CD8A: variants seen among roughly 807,000 people sequenced by gnomAD.
The protein encoded by CD8A is CD8 subunit alpha.
A neutral mutation model predicts 24.2 loss-of-function variants in CD8A; 25 were observed. That is an observed-to-expected ratio of 1.03 (90% CI 0.75 to 1.44). CD8A has a LOEUF of 1.44. Among genes scored for constraint, CD8A ranks in the 40% most tolerant of loss-of-function variants. The pLI is 0.00. For synonymous variants in CD8A, 165 were observed against 149.9 expected (o/e 1.10, Z -0.74); for missense variants, 360 against 319.7 (o/e 1.13, Z -0.96).
chr2:86,803,502 G>A (rs1426557540), intron 2 of CD8A, among the ~76,000 whole-genome samples: 1 of 152,052 alleles, frequency 6.6e-6, no homozygotes, highest in Non-Finnish European at 1.5e-5. Flanking sequence ...AATGAAAGAA[G>A]CCAGACACAG....
chr2:86,799,801 C>G (rs1179769479), intron 3 of CD8A, among the ~76,000 whole-genome samples: 4 of 152,008 alleles, frequency 2.6e-5, no homozygotes, highest in Admixed American at 6.6e-5. Flanking sequence ...ATGCAGGAGG[C>G]AGAGTGCCTC....
chr2:86,785,713 C>T lies in CD8A; in HGVS notation c.*207G>A. The T allele has an allele frequency of 1.4e-6, 1 of 719,816 alleles. No homozygotes were observed. Among genetic ancestry groups the T allele is most frequent in the South Asian group, 1.4e-5 (1 of 69,090 alleles). The allele number at this position is 719,816 out of a possible 1,614,324, so 44.6% of individuals were successfully genotyped here. ...GATGTGCGCACAACAGTATTGTGAC[C>T]CTTGTGGTGTACTGTAGATTTTACC... On this transcript the variant is annotated 3_prime_UTR_variant, in exon 6 of 6. Coordinates refer to ENST00000283635, the MANE Select transcript of CD8A (RefSeq NM_001768.7).
At chr2:86,795,974 C>T (rs2104450837) in intron 3 of CD8A, among the ~76,000 whole-genome samples, 1 of 152,084 alleles carries the variant, frequency 6.6e-6, no homozygotes, top group East Asian at 1.9e-4. Flanking sequence ...AATTATTGAA[C>T]AATTTGAAAA....
chr2:86,787,124 C>T (rs1278435416), intron 5 of CD8A, among the ~76,000 whole-genome samples: 1 of 136,240 alleles, frequency 7.3e-6, no homozygotes, highest in Non-Finnish European at 1.6e-5. Context: ...GCTCTGTTAC[C>T]CAGGCTGGAG....
chr2:86,789,015 C>T (rs1465466827), intron 4 of CD8A, among the ~76,000 whole-genome samples: 1 of 152,238 alleles, frequency 6.6e-6, no homozygotes, highest in Non-Finnish European at 1.5e-5. Flanking sequence ...GCGGCCCCCT[C>T]CCGGCGGGCG....
upstream of CD8A, among the ~76,000 whole-genome samples, chr2:86,794,848 C>T (rs550685025): frequency 1.3e-4 from 20 of 152,206 alleles, no homozygotes; most frequent in Non-Finnish European, 2.4e-4. Flanking sequence ...TCCTAGGTTC[C>T]GCATCTCTCA....
At chr2:86,789,043 CAT>C (rs1258641749) in intron 4 of CD8A, among the ~76,000 whole-genome samples, 2 of 152,352 alleles carry the variant, frequency 1.3e-5, no homozygotes, top group African/African-American at 2.4e-5. Flanking sequence ...TGTGTCCAGA[CAT>C]GTGCGCGCGC....
intron 3 of CD8A, among the ~76,000 whole-genome samples, chr2:86,796,371 G>C (rs967682954): frequency 6.6e-6 from 1 of 152,174 alleles, no homozygotes; most frequent in Non-Finnish European, 1.5e-5. Context: ...TTAGTGCCAA[G>C]TATAAAAACA....
At position 86,798,395 on chromosome 2, in the gene CD8A, G is replaced by A. The variant is rs187370289; in HGVS notation, c.-271+3116C>T. Among the ~76,000 whole-genome samples, 650 of 151,838 alleles carry A rather than the reference G, an allele frequency of 4.3e-3. 7 individuals are homozygous for A. The highest frequency in any genetic ancestry group is 0.014 in the African/African-American group (599 of 41,390). On this transcript the variant is annotated intron_variant, in intron 3 of 8. Coordinates refer to the CD8A transcript ENST00000409511. The stretch of plus-strand genomic sequence containing the variant: ...TCTCCATGTTGGTCAGGCTGGTCTC[G>A]AACTCCCAACCTCAGGTGATCCACC...
chr2:86,807,112 G>A (rs1673931069), intron 2 of CD8A, among the ~76,000 whole-genome samples: 1 of 151,750 alleles, frequency 6.6e-6, no homozygotes, highest in Admixed American at 6.6e-5. Flanking sequence ...AATTGGGAGA[G>A]CACAATTGGT....
At chr2:86,791,043 C>A, upstream of CD8A, 2 of 707,592 alleles carry the variant, frequency 2.8e-6, no homozygotes, top group Non-Finnish European at 5.1e-6. Flanking sequence ...GGCTGGGGCC[C>A]GTGAATAGGG....
chr2:86,789,387 C>A lies in CD8A; in HGVS notation c.561G>T (p.Ala187=). The A allele has an allele frequency of 6.2e-7, 1 of 1,614,008 alleles. No homozygotes were observed. Among genetic ancestry groups the A allele is most frequent in the Middle Eastern group, 1.6e-4 (1 of 6,062 alleles). Residue 187 remains alanine (A), a synonymous_variant, in exon 4 of 6, where the codon GCG becomes GCT. Transcript: ENST00000283635. The part of the protein sequence containing the change: ...LDFACDIYIW[A]PLAGTCGVLL... ...GGACCCCACAAGTCCCGGCCAAGGG[C>A]GCCCAGATGTAGATATCACAGGCGA...
At chr2:86,797,038 T>C (rs1478250554) in intron 3 of CD8A, among the ~76,000 whole-genome samples, 1 of 152,218 alleles carries the variant, frequency 6.6e-6, no homozygotes, top group Non-Finnish European at 1.5e-5. Context: ...TTGGCAATAC[T>C]TGTTGTCTCA....
upstream of CD8A, chr2:86,790,973 G>A (rs964073700): frequency 7.1e-5 from 58 of 820,704 alleles, no homozygotes; most frequent in Non-Finnish European, 1.1e-4. Context: ...GTCACCCGAA[G>A]CCCCCGCCGA....
intron 2 of CD8A, among the ~76,000 whole-genome samples, 162 bp downstream of exon 2, chr2:86,790,166 G>A (rs1673214991): frequency 6.6e-6 from 1 of 152,228 alleles, no homozygotes; most frequent in African/African-American, 2.4e-5. Flanking sequence ...TCCCTACTCA[G>A]CCTCGCGTTA....
chr2:86,789,645 C>T lies in CD8A; in HGVS notation c.509G>A (p.Gly170Asp), dbSNP rs1451100239. The part of the protein sequence containing the change: ...RPEACRPAAG[G>D]AVHTRGLDFA... ...CGGGCCCCCGCACGCCTCACCTGCGCCCCCCGCCGCTGGCCGGCACGCCTC... is the reference window on the plus strand; with the variant it reads ...CGGGCCCCCGCACGCCTCACCTGCGTCCCCCGCCGCTGGCCGGCACGCCTC... The change falls in exon 3 of 6, where the codon GGC becomes GAC. Residue 170 changes from glycine to aspartate, a missense_variant. Transcript: ENST00000283635. 4 of 1,480,480 alleles carry T rather than the reference C, an allele frequency of 2.7e-6. No homozygotes were observed. Among genetic ancestry groups the T allele is most frequent in the Admixed American group, 2.3e-5 (1 of 43,562 alleles). The allele number at this position is 1,480,480 out of a possible 1,614,324, so 91.7% of individuals were successfully genotyped here. A position where few individuals can be genotyped will look rare whatever the true frequency, so the allele number is the denominator to read the frequency against.
intron 2 of CD8A, among the ~76,000 whole-genome samples, chr2:86,802,764 C>A (rs1673716826): frequency 1.3e-5 from 2 of 152,104 alleles, no homozygotes; most frequent in Admixed American, 6.5e-5. Flanking sequence ...GTGTGCACCA[C>A]CACACCCGAC....
chr2:86,793,250 T>G (rs1358886871), upstream of CD8A, among the ~76,000 whole-genome samples: 2 of 152,232 alleles, frequency 1.3e-5, no homozygotes, highest in African/African-American at 4.8e-5. Flanking sequence ...AGTGGACATT[T>G]AGGCGATTTC....
rs561387288 is a variant in CD8A, at chr2:86,786,535, G to A, written c.657-564C>T. ...TAAAACCTCTCTGTTGAAGCTGAGC[G>A]GCCCACCATCATCACTGAGTATATT... On this transcript the variant is annotated intron_variant, in intron 5 of 5. Transcript: ENST00000283635. Among the ~76,000 whole-genome samples, 4 of 152,278 alleles carry A rather than the reference G, an allele frequency of 2.6e-5. No homozygotes were observed. The South Asian group carries it at 6.2e-4, about 24-fold the overall frequency.
Sources: gnomAD v4.1 joint callset for allele counts (sites outside exome capture counted in the v4.1 genomes callset) on GRCh38, gnomAD v4.1.1 for gene constraint, MANE v1.5 for transcripts, NCBI Gene and HGNC (gene_info 2026-07-23, HGNC 2026-07-21) for gene names.